ST8SIA1: variants seen among roughly 807,000 people sequenced by gnomAD.
ST8SIA1 encodes the protein alpha-N-acetylneuraminide alpha-2,8-sialyltransferase.
In ST8SIA1, 16 loss-of-function variants were observed where a neutral mutation model predicts 35.9. That is an observed-to-expected ratio of 0.45 (90% CI 0.30 to 0.68). The LOEUF (loss-of-function observed/expected upper bound fraction) is 0.68. Ranked by LOEUF, ST8SIA1 falls within the 30% of genes least tolerant of loss-of-function variation. ST8SIA1 has a pLI of 0.09. For missense variants in ST8SIA1, 383 were observed against 453.6 expected, an observed-to-expected ratio of 0.84 and a Z score of 1.41; for synonymous variants, 170 against 169.6, an observed-to-expected ratio of 1.00 and a Z score of -0.02.
intron 1 of ST8SIA1, among the ~76,000 whole-genome samples, chr12:22,330,805 C>T (rs1245305054): frequency 1.3e-5 from 2 of 152,134 alleles, no homozygotes; most frequent in Non-Finnish European, 2.9e-5. Context: ...AAGCCTTGCA[C>T]ATAAATTCTG....
intron 4 of ST8SIA1, among the ~76,000 whole-genome samples, chr12:22,230,132 G>T (rs1028463112): frequency 6.6e-6 from 1 of 152,092 alleles, no homozygotes; most frequent in South Asian, 2.1e-4. Flanking sequence ...ACAAAATAAT[G>T]CTCTTACACA....
At chr12:22,211,622 T>C (rs1490447422) in intron 4 of ST8SIA1, among the ~76,000 whole-genome samples, 1 of 152,246 alleles carries the variant, frequency 6.6e-6, no homozygotes, top group Non-Finnish European at 1.5e-5. Flanking sequence ...TGTATGTTAC[T>C]TGTGTTATTA....
chr12:22,299,856 T>G (rs1866296910), intron 1 of ST8SIA1, among the ~76,000 whole-genome samples: 1 of 152,164 alleles, frequency 6.6e-6, no homozygotes, highest in Admixed American at 6.6e-5. Flanking sequence ...TATAAGGTTT[T>G]TCCCCTCAAG....
At chr12:22,315,892 T>A (rs895281781) in intron 1 of ST8SIA1, among the ~76,000 whole-genome samples, 1 of 151,960 alleles carries the variant, frequency 6.6e-6, no homozygotes, top group African/African-American at 2.4e-5. Context: ...AAAACTTAGA[T>A]GATGGGTTGA....
intron 1 of ST8SIA1, among the ~76,000 whole-genome samples, chr12:22,318,548 T>C (rs1339216179): frequency 6.6e-6 from 1 of 151,932 alleles, no homozygotes; most frequent in African/African-American, 2.4e-5. Context: ...AAAAGAGACA[T>C]CCTCCTTCCC....
At position 22,196,266 on chromosome 12, in the gene ST8SIA1, C is replaced by T. The variant is rs1565563431; in HGVS notation, c.*5286G>A. The T allele has an allele frequency of 6.6e-6, 1 of 152,028 alleles. No homozygotes were observed. Among genetic ancestry groups the T allele is most frequent in the Non-Finnish European group, 1.5e-5 (1 of 68,004 alleles). The allele number at this position is 152,028 out of a possible 1,614,324, so 9.4% of individuals were successfully genotyped here. ...CAGAAGAAATCAGAAATGTTGGCAC[C>T]AGAGAAAACAAATTAGAGGGAAACA... On this transcript the variant is annotated 3_prime_UTR_variant, in exon 5 of 5. Coordinates refer to ENST00000396037, the MANE Select transcript of ST8SIA1 (RefSeq NM_003034.4).
chr12:22,268,112 T>A (rs1039970353), intron 2 of ST8SIA1, among the ~76,000 whole-genome samples: 3 of 152,318 alleles, frequency 2.0e-5, no homozygotes, highest in Admixed American at 2.0e-4. Context: ...ACTCTTAGTG[T>A]CTCCAGAGCC....
intron 4 of ST8SIA1, among the ~76,000 whole-genome samples, chr12:22,221,024 G>T (rs565383019): frequency 1.8e-4 from 27 of 152,146 alleles, no homozygotes; most frequent in Non-Finnish European, 1.6e-4. Flanking sequence ...TCACATGCAG[G>T]CTATGGAGAA....
intron 1 of ST8SIA1, among the ~76,000 whole-genome samples, chr12:22,331,019 C>T (rs1386097680): frequency 1.3e-5 from 2 of 152,218 alleles, no homozygotes; most frequent in African/African-American, 4.8e-5. Flanking sequence ...CTATTCAAAA[C>T]TCTTACAGCT....
chr12:22,211,081 C>T (rs1865170717), intron 4 of ST8SIA1, among the ~76,000 whole-genome samples: 1 of 152,176 alleles, frequency 6.6e-6, no homozygotes, highest in Non-Finnish European at 1.5e-5. Context: ...TGAGTCTTTG[C>T]TCAATTAAAC....
rs369035082 is a variant in ST8SIA1 at position 22,329,244 on chromosome 12, T to C, written c.236+4753A>G. On this transcript the variant is annotated intron_variant, in intron 1 of 4. Coordinates refer to ENST00000396037, the MANE Select transcript of ST8SIA1 (RefSeq NM_003034.4). ...AGGTTTAGAATTAAATAGCTCCAGG[T>C]TGGAAATCAAACTCCATCATTTTGT... Among the ~76,000 whole-genome samples, 6 of 152,146 alleles carry C rather than the reference T, an allele frequency of 3.9e-5. No individual in the cohort carries two copies. In the South Asian group the frequency reaches 1.0e-3, roughly 26 times the overall value.
chr12:22,276,412 G>A (rs1235580626), intron 2 of ST8SIA1, among the ~76,000 whole-genome samples: 2 of 152,146 alleles, frequency 1.3e-5, no homozygotes, highest in Non-Finnish European at 1.5e-5. Flanking sequence ...ATGGAGAAGT[G>A]CAAGTGACAG....
chr12:22,257,595 G>C lies in ST8SIA1; in HGVS notation c.382-2206C>G, dbSNP rs930677601. On this transcript the variant is annotated intron_variant, in intron 2 of 4. Transcript: ENST00000396037. The stretch of plus-strand genomic sequence containing the variant: ...GTGAGCAAATTCCTGCAGGAGATGA[G>C]GTAGTGAGCCTCACAGATCTCTGCG... 1.1e-3 allele frequency among the ~76,000 whole-genome samples: 167 copies of C among 151,780 alleles called. 1 individual carries two copies. The highest frequency in any genetic ancestry group is 3.9e-3 in the African/African-American group (163 of 41,290).
In ST8SIA1 at chr12:22,196,747, C is replaced by T. The variant is rs1864993550; in HGVS notation, c.*4805G>A. On this transcript the variant is annotated 3_prime_UTR_variant, in exon 5 of 5. Transcript: ENST00000396037. ...ATCACTGGCAGGGCTATAACTAGGT[C>T]GGGGTGATCAGACTCTGCCACAAAA... 1 of 152,144 alleles carries T rather than the reference C, an allele frequency of 6.6e-6. No individual in the cohort carries two copies. Among genetic ancestry groups the T allele is most frequent in the African/African-American group, 2.4e-5 (1 of 41,392 alleles). The allele number at this position is 152,144 out of a possible 1,614,324, so 9.4% of individuals were successfully genotyped here. A position where few individuals can be genotyped will look rare whatever the true frequency, so the allele number is the denominator to read the frequency against.
chr12:22,225,967 C>G (rs992406621), intron 4 of ST8SIA1, among the ~76,000 whole-genome samples: 3 of 152,140 alleles, frequency 2.0e-5, no homozygotes, highest in Non-Finnish European at 4.4e-5. Flanking sequence ...TCTTCCCCAC[C>G]CCAGAGCTGG....
At chr12:22,286,268 TAG>T (rs1441257568) in intron 2 of ST8SIA1, among the ~76,000 whole-genome samples, 1 of 152,216 alleles carries the variant, frequency 6.6e-6, no homozygotes, top group Non-Finnish European at 1.5e-5. Context: ...GGCTGTTTTA[TAG>T]AGAGTGTGAC....
intron 4 of ST8SIA1, among the ~76,000 whole-genome samples, chr12:22,202,683 T>C (rs578097488): frequency 5.5e-4 from 83 of 152,258 alleles, no homozygotes; most frequent in African/African-American, 1.8e-3. Context: ...TACAAATAAG[T>C]ACAATAGAAT....
chr12:22,232,972 G>T (rs777263211), intron 4 of ST8SIA1, among the ~76,000 whole-genome samples: 15 of 152,070 alleles, frequency 9.9e-5, no homozygotes, highest in Non-Finnish European at 1.9e-4. Context: ...TCAAATAAGA[G>T]AACTAACAAC....
At chr12:22,304,735 G>A (rs1866363175) in intron 1 of ST8SIA1, among the ~76,000 whole-genome samples, 1 of 152,170 alleles carries the variant, frequency 6.6e-6, no homozygotes, top group Non-Finnish European at 1.5e-5. Flanking sequence ...AGCATCACAT[G>A]GTCTAGCCTC....
Sources: gnomAD v4.1 joint callset for allele counts (sites outside exome capture counted in the v4.1 genomes callset) on GRCh38, gnomAD v4.1.1 for gene constraint, MANE v1.5 for transcripts, NCBI Gene and HGNC (gene_info 2026-07-23, HGNC 2026-07-21) for gene names.